JMJD1C: variants seen among roughly 807,000 people sequenced by gnomAD.
JMJD1C encodes jumonji domain-containing protein 1C.
In JMJD1C, 31 loss-of-function variants were observed where a neutral mutation model predicts 245.3. That is an observed-to-expected ratio of 0.13 (90% CI 0.09 to 0.17). The LOEUF (loss-of-function observed/expected upper bound fraction) is 0.17. Ranked by LOEUF, JMJD1C falls within the 10% of genes least tolerant of loss-of-function variation. The pLI, the probability that JMJD1C is intolerant of heterozygous loss-of-function variation, is 1.00. For synonymous variants in JMJD1C, 1,057 were observed against 1,017.4 expected, an observed-to-expected ratio of 1.04 and a Z score of -0.74; for missense variants, 2,691 against 3,000.2, an observed-to-expected ratio of 0.90 and a Z score of 2.41.
intron 3 of JMJD1C, among the ~76,000 whole-genome samples, chr10:63,255,394 G>A (rs549512290): frequency 6.6e-6 from 1 of 152,304 alleles, no homozygotes; most frequent in Non-Finnish European, 1.5e-5. Context: ...ACTGACACAC[G>A]TAAGTCAAAT....
intron 2 of JMJD1C, among the ~76,000 whole-genome samples, chr10:63,353,412 A>G (rs1443452975): frequency 6.6e-6 from 1 of 152,230 alleles, no homozygotes; most frequent in African/African-American, 2.4e-5. Flanking sequence ...TAATGTGAAG[A>G]TGCTAACAGA....
chr10:63,371,949 T>C (rs1946355682), intron 2 of JMJD1C, among the ~76,000 whole-genome samples: 2 of 152,350 alleles, frequency 1.3e-5, no homozygotes, highest in East Asian at 1.9e-4. Flanking sequence ...ATTATAAATA[T>C]GTAAAAACTC....
chr10:63,253,328 G>A (rs1035541576), intron 3 of JMJD1C, among the ~76,000 whole-genome samples: 1 of 152,070 alleles, frequency 6.6e-6, no homozygotes, highest in Non-Finnish European at 1.5e-5. Context: ...TCAAAAAGTG[G>A]TGCTGGGGAA....
chr10:63,264,587 ATGTCTGAATATCAATAAAG>A, intron 3 of JMJD1C, 45 bp downstream of exon 3: 1 of 727,402 alleles, frequency 1.4e-6, no homozygotes, highest in Non-Finnish European at 2.3e-6. Context: ...TGTTTAAAGA[ATGTCTGAATATCAATAAAG>A]TTTAATTAAC....
chr10:63,399,518 TTTTA>T (rs1041078467), intron 1 of JMJD1C, among the ~76,000 whole-genome samples: 3 of 152,182 alleles, frequency 2.0e-5, no homozygotes, highest in Non-Finnish European at 2.9e-5. Context: ...CTCCTTGATC[TTTTA>T]TTTCTCTTAT....
intron 1 of JMJD1C, among the ~76,000 whole-genome samples, chr10:63,475,234 A>T (rs1247344218): frequency 6.6e-6 from 1 of 152,212 alleles, no homozygotes; most frequent in Non-Finnish European, 1.5e-5. Context: ...AACCCTGGAC[A>T]GCTAAGGATA....
At position 63,221,387 on chromosome 10, in the gene JMJD1C, T is replaced by C. The variant is rs534934418; in HGVS notation, c.448-1404A>G. On this transcript the variant is annotated intron_variant, in intron 3 of 25. Coordinates refer to ENST00000399262, the MANE Select transcript of JMJD1C (RefSeq NM_032776.3). ...ATTGTGGTAAATATTCTATCTGATA[T>C]GTACTTAAACATAGTGAAAGCCAAC... Among the ~76,000 whole-genome samples, 23 of 152,318 alleles carry C rather than the reference T, an allele frequency of 1.5e-4. No homozygotes were observed. In the East Asian group the frequency reaches 4.2e-3, roughly 28 times the overall value.
At chr10:63,178,912 T>G (rs75937138) in intron 22 of JMJD1C, among the ~76,000 whole-genome samples, 5,347 of 152,322 alleles carry the variant, frequency 0.035, 293 homozygotes, top group East Asian at 0.26. Flanking sequence ...TGTATAAATT[T>G]AAGGGGTACA....
At chr10:63,315,315 A>G (rs1230321944) in intron 2 of JMJD1C, among the ~76,000 whole-genome samples, 1 of 151,956 alleles carries the variant, frequency 6.6e-6, no homozygotes, top group Non-Finnish European at 1.5e-5. Flanking sequence ...TGCCATCTTT[A>G]TGTCCATGAG....
At chr10:63,241,155 C>T (rs1334674642) in intron 3 of JMJD1C, among the ~76,000 whole-genome samples, 1 of 152,152 alleles carries the variant, frequency 6.6e-6, no homozygotes, top group African/African-American at 2.4e-5. Flanking sequence ...CAAAATAATA[C>T]AGTGTGTGGG....
chr10:63,265,873 T>A (rs1257155585), intron 2 of JMJD1C, among the ~76,000 whole-genome samples: 1 of 152,130 alleles, frequency 6.6e-6, no homozygotes. Flanking sequence ...AATCATTGTG[T>A]TTCCCCTTTC....
intron 2 of JMJD1C, among the ~76,000 whole-genome samples, chr10:63,370,701 T>G (rs917903384): frequency 6.6e-6 from 1 of 152,238 alleles, no homozygotes; most frequent in African/African-American, 2.4e-5. Context: ...TCATTTTTAT[T>G]AAGTGTTAAT....
At chr10:63,496,639 T>C (rs1037483750) in intron 1 of JMJD1C, among the ~76,000 whole-genome samples, 2 of 152,248 alleles carry the variant, frequency 1.3e-5, no homozygotes, top group Admixed American at 6.5e-5. Context: ...TGAGCTGTGA[T>C]AGCCTCAGTT....
chr10:63,168,327 C>T (rs1028274950), intron 25 of JMJD1C, 108 bp downstream of exon 25: 2 of 1,169,368 alleles, frequency 1.7e-6, no homozygotes, highest in African/African-American at 1.5e-5. Flanking sequence ...CTTTGGTTGT[C>T]ACCCTAATGT....
At position 63,380,357 on chromosome 10, in the gene JMJD1C, A is replaced by G. The variant is rs1315045289; in HGVS notation, c.294T>C (p.Thr98=). The change falls in exon 2 of 26, where the codon ACT becomes ACC. Residue 98 remains threonine (T), a synonymous_variant. Coordinates refer to ENST00000399262, the MANE Select transcript of JMJD1C (RefSeq NM_032776.3). ...IWAKRNDPSQ[T]QGSKSKQIQW... is the part of the protein sequence containing the mutation. ...GAATCTGTTTGCTCTTTGATCCCTG[A>G]GTCTGGCTAGGGTCATTCCTTTTGG... 1 of 1,614,072 alleles carries G rather than the reference A, an allele frequency of 6.2e-7. No homozygotes were observed.
intron 3 of JMJD1C, among the ~76,000 whole-genome samples, chr10:63,250,441 T>C (rs1234821311): frequency 2.6e-5 from 4 of 152,188 alleles, no homozygotes; most frequent in African/African-American, 9.7e-5. Flanking sequence ...CGCTCATTTA[T>C]AGTGCTGGTA....
chr10:63,375,358 A>G (rs1455253281), intron 2 of JMJD1C, among the ~76,000 whole-genome samples: 1 of 152,020 alleles, frequency 6.6e-6, no homozygotes, highest in Non-Finnish European at 1.5e-5. Context: ...CTATATAACA[A>G]TAATGAATAA....
chr10:63,514,134 A>T (rs1261546501), intron 1 of JMJD1C, among the ~76,000 whole-genome samples: 1 of 152,170 alleles, frequency 6.6e-6, no homozygotes, highest in African/African-American at 2.4e-5. Flanking sequence ...AAAACAACAG[A>T]TGTTGGCAAG....
Position 63,445,176 on chromosome 10 carries a change from C to T in JMJD1C, c.168+20319G>A, listed in dbSNP as rs920267396. Reference sequence around the variant, plus strand: ...TTGAGATTGCAGTAAGCTATGACCACGCCATCGTACTCCAACCTGGGTGAC... The same window carrying T: ...TTGAGATTGCAGTAAGCTATGACCATGCCATCGTACTCCAACCTGGGTGAC... On this transcript the variant is annotated intron_variant, in intron 1 of 25. Coordinates refer to ENST00000399262, the MANE Select transcript of JMJD1C (RefSeq NM_032776.3). Among the ~76,000 whole-genome samples the T allele has an allele frequency of 9.9e-5, 15 of 152,210 alleles. 1 individual carries two copies. Among genetic ancestry groups the T allele is most frequent in the Middle Eastern group, 6.8e-3 (2 of 294 alleles).
Sources: allele counts gnomAD v4.1 joint callset (sites outside exome capture counted in the v4.1 genomes callset), GRCh38; gene constraint gnomAD v4.1.1; transcripts MANE v1.5; gene names NCBI Gene and HGNC (gene_info 2026-07-23, HGNC 2026-07-21).